OCA2: variants seen among roughly 807,000 people sequenced by gnomAD.
The protein encoded by OCA2 is OCA2 melanosomal transmembrane protein, also known as P protein.
In OCA2, 77 loss-of-function variants were observed where a neutral mutation model predicts 100.2. That is an observed-to-expected ratio of 0.77 (90% CI 0.64 to 0.93). The LOEUF (loss-of-function observed/expected upper bound fraction) is 0.93, where lower values mean the gene tolerates loss of function less well. Among genes scored for constraint, OCA2 ranks in the 40% least tolerant of loss-of-function variants. The probability of loss-of-function intolerance (pLI) is 0.00; values close to 1 mark genes in which losing one functional copy is unlikely to be tolerated. For missense variants in OCA2, 1,062 were observed against 1,089.1 expected (o/e 0.98, Z 0.35); for synonymous variants, 432 against 439.2 (o/e 0.98, Z 0.21).
intron 23 of OCA2, among the ~76,000 whole-genome samples, chr15:27,826,735 A>G (rs2034738390): frequency 6.6e-6 from 1 of 152,206 alleles, no homozygotes; most frequent in South Asian, 2.1e-4. Context: ...AGATGAGGCC[A>G]TCCAGATGAA....
chr15:27,881,258 T>C (rs1162130730), intron 19 of OCA2, among the ~76,000 whole-genome samples: 1 of 152,196 alleles, frequency 6.6e-6, no homozygotes, highest in Non-Finnish European at 1.5e-5. Flanking sequence ...TGGATTCAAT[T>C]TGCCTGTATT....
At chr15:27,823,192 T>C (rs1334724888) in intron 23 of OCA2, among the ~76,000 whole-genome samples, 2 of 152,366 alleles carry the variant, frequency 1.3e-5, no homozygotes, top group Non-Finnish European at 2.9e-5. Flanking sequence ...GGGCTCTCCA[T>C]TCTTTCCCAC....
chr15:27,985,219 C>T (rs1332542895), intron 12 of OCA2, 31 bp from the exon 13 acceptor site: 21 of 1,612,892 alleles, frequency 1.3e-5, no homozygotes, highest in Non-Finnish European at 1.8e-5. Flanking sequence ...AGAGTACAAG[C>T]CAGAGTGAGC....
At chr15:27,899,698 C>T (rs1186266524) in intron 19 of OCA2, among the ~76,000 whole-genome samples, 1 of 152,196 alleles carries the variant, frequency 6.6e-6, no homozygotes, top group Non-Finnish European at 1.5e-5. Flanking sequence ...AAGCAGCTGA[C>T]TTGATAGAAC....
At chr15:28,009,684 T>TCTCACACA (rs780133233) in intron 9 of OCA2, among the ~76,000 whole-genome samples, 1 of 138,008 alleles carries the variant, frequency 7.2e-6, no homozygotes, top group Non-Finnish European at 1.6e-5. Flanking sequence ...CGAGATTCTG[T>TCTCACACA]CACACACACA....
chr15:28,083,107 T>TTAGCACA (rs1209018253), intron 1 of OCA2, among the ~76,000 whole-genome samples: 1 of 152,178 alleles, frequency 6.6e-6, no homozygotes, highest in East Asian at 1.9e-4. Context: ...AGCACAGTAG[T>TTAGCACA]GTATCACCAC....
intron 23 of OCA2, among the ~76,000 whole-genome samples, chr15:27,760,806 T>C (rs1031362837): frequency 2.0e-5 from 3 of 152,082 alleles, no homozygotes; most frequent in Non-Finnish European, 4.4e-5. Flanking sequence ...AAGAAAATTG[T>C]AAGGCCAGAT....
the OCA2 span, among the ~76,000 whole-genome samples, chr15:27,724,210 C>G: frequency 6.6e-6 from 1 of 152,176 alleles, no homozygotes; most frequent in East Asian, 1.9e-4. Context: ...GGGAGTCATA[C>G]AGCCGACTTT....
the OCA2 span, among the ~76,000 whole-genome samples, chr15:27,721,726 A>G: frequency 1.3e-5 from 2 of 152,196 alleles, no homozygotes; most frequent in African/African-American, 4.8e-5. Context: ...TTCTTTTGTA[A>G]TTTACACAGA....
At chr15:28,024,999 A>G (rs1237213233) in intron 4 of OCA2, 97 bp from the exon 5 acceptor site, 1 of 1,125,176 alleles carries the variant, frequency 8.9e-7, no homozygotes, top group African/African-American at 1.5e-5. Context: ...TCCATCTCAA[A>G]GCATGTGTTT....
chr15:27,744,424 C>T, the OCA2 span, among the ~76,000 whole-genome samples: 1 of 152,072 alleles, frequency 6.6e-6, no homozygotes, highest in Non-Finnish European at 1.5e-5. Flanking sequence ...GGAGGGAAAG[C>T]CAGGGGTCAG....
intron 10 of OCA2, among the ~76,000 whole-genome samples, 162 bp from the exon 11 acceptor site, chr15:27,989,828 A>G (rs933832913): frequency 2.0e-5 from 3 of 152,214 alleles, no homozygotes; most frequent in African/African-American, 7.2e-5. Context: ...TCGCTGCTGA[A>G]AAACAGTCTT....
chr15:27,817,901 C>A (rs2034364580), intron 23 of OCA2, among the ~76,000 whole-genome samples: 1 of 152,140 alleles, frequency 6.6e-6, no homozygotes, highest in Non-Finnish European at 1.5e-5. Context: ...ACAGTGGACT[C>A]TGATCATTTC....
At chr15:27,837,378 C>T (rs1312266216) in intron 23 of OCA2, among the ~76,000 whole-genome samples, 1 of 152,136 alleles carries the variant, frequency 6.6e-6, no homozygotes, top group Admixed American at 6.5e-5. Context: ...CACAGATCAA[C>T]AAGAAATGTA....
intron 1 of OCA2, among the ~76,000 whole-genome samples, chr15:28,089,613 A>G (rs2141954390): frequency 1.3e-5 from 2 of 152,358 alleles, no homozygotes; most frequent in Middle Eastern, 6.8e-3. Flanking sequence ...CTAACATATC[A>G]GAAAAAAATG....
intron 1 of OCA2, among the ~76,000 whole-genome samples, chr15:28,097,196 C>T (rs948522406): frequency 2.0e-5 from 3 of 152,222 alleles, no homozygotes; most frequent in East Asian, 1.9e-4. Context: ...GCCAGCCACA[C>T]CTCCCCACGG....
chr15:27,869,037 G>A (rs983325765), intron 21 of OCA2, among the ~76,000 whole-genome samples: 2 of 152,186 alleles, frequency 1.3e-5, no homozygotes, highest in South Asian at 2.1e-4. Flanking sequence ...TGTGACCATC[G>A]CTGCATGCCG....
At chr15:27,736,750 T>A in the OCA2 span, among the ~76,000 whole-genome samples, 1 of 152,172 alleles carries the variant, frequency 6.6e-6, no homozygotes, top group Non-Finnish European at 1.5e-5. Flanking sequence ...ACCTGTTAAA[T>A]ACACAGCAAT....
At chr15:27,946,874 A>G (rs2039857127) in intron 18 of OCA2, among the ~76,000 whole-genome samples, 1 of 152,174 alleles carries the variant, frequency 6.6e-6, no homozygotes, top group Non-Finnish European at 1.5e-5. Context: ...CTGGCCATGA[A>G]GAAACTGTCT....
Sources: allele counts gnomAD v4.1 joint callset (sites outside exome capture counted in the v4.1 genomes callset), GRCh38; gene constraint gnomAD v4.1.1; transcripts MANE v1.5; gene names NCBI Gene and HGNC (gene_info 2026-07-23, HGNC 2026-07-21).